ACACA: variants seen among roughly 807,000 people sequenced by gnomAD.
ACACA encodes acetyl-CoA carboxylase 1.
A neutral mutation model predicts 296.1 loss-of-function variants in ACACA; 103 were observed. The ratio of observed to expected loss-of-function variants is 0.35; its 90% CI spans 0.30 to 0.41. ACACA has a LOEUF of 0.41. ACACA is among the 10% of genes least tolerant of loss of function. ACACA has a pLI of 1.00. For synonymous variants in ACACA, 953 were observed against 1,038.6 expected, an observed-to-expected ratio of 0.92 and a Z score of 1.58; for missense variants, 1,554 against 2,989.7, an observed-to-expected ratio of 0.52 and a Z score of 11.20.
chr17:37,388,690 A>G (rs750389019), intron 1 of ACACA: 2 of 1,612,456 alleles, frequency 1.2e-6, no homozygotes, highest in South Asian at 2.2e-5. Context: ...GAACCTAGAG[A>G]AGAGACAGAA....
intron 3 of ACACA, among the ~76,000 whole-genome samples, chr17:37,290,888 C>A (rs1177547094): frequency 6.6e-6 from 1 of 151,964 alleles, no homozygotes; most frequent in Non-Finnish European, 1.5e-5. Context: ...CAAGGCCATC[C>A]TGGCCAACAA....
At chr17:37,337,423 A>G (rs952835063) in intron 2 of ACACA, among the ~76,000 whole-genome samples, 11 of 147,438 alleles carry the variant, frequency 7.5e-5, no homozygotes, top group African/African-American at 2.4e-4. Flanking sequence ...CTCAAAAAAA[A>G]AAAAAAAAAG....
intron 3 of ACACA, among the ~76,000 whole-genome samples, chr17:37,319,425 T>A (rs1018657201): frequency 2.6e-5 from 4 of 152,176 alleles, no homozygotes; most frequent in Non-Finnish European, 4.4e-5. Context: ...ATACAGATGG[T>A]AGGGAGTAAC....
chr17:37,230,403 T>A (rs1422231725), intron 25 of ACACA, among the ~76,000 whole-genome samples: 3 of 147,430 alleles, frequency 2.0e-5, no homozygotes, highest in African/African-American at 7.8e-5. Context: ...AATAAATAAA[T>A]AAATAAATAA....
At chr17:37,200,589 T>C (rs2078205083) in intron 33 of ACACA, 106 bp from the exon 34 acceptor site, 3 of 1,011,876 alleles carry the variant, frequency 3.0e-6, no homozygotes, top group African/African-American at 1.6e-5. Context: ...AACATCCTTT[T>C]TGGATATCCT....
chr17:37,369,816 C>T (rs2049736778), intron 1 of ACACA, among the ~76,000 whole-genome samples: 1 of 152,040 alleles, frequency 6.6e-6, no homozygotes, highest in South Asian at 2.1e-4. Flanking sequence ...AGCAATTCTC[C>T]TGCCTCAGCT....
At position 37,310,829 on chromosome 17, in the gene ACACA, A is replaced by G. The variant is rs183449383; in HGVS notation, c.338+19344T>C. Among the ~76,000 whole-genome samples, 5 of 151,468 alleles carry G rather than the reference A, an allele frequency of 3.3e-5. No homozygotes were observed. In the East Asian group the frequency reaches 7.7e-4, roughly 23 times the overall value. The stretch of plus-strand genomic sequence containing the variant: ...AAAAAAAAAAAGAAAGAAAATGTAT[A>G]TCAAGTAAAAAGATAAGAAGGACCA... On this transcript the variant is annotated intron_variant, in intron 3 of 55. Coordinates refer to ENST00000616317, the MANE Select transcript of ACACA (RefSeq NM_198834.3).
chr17:37,368,435 G>C (rs986711131), intron 1 of ACACA, among the ~76,000 whole-genome samples: 4 of 151,950 alleles, frequency 2.6e-5, no homozygotes, highest in Non-Finnish European at 5.9e-5. Context: ...ACAAAAATTA[G>C]CTGGGCATGG....
At chr17:37,116,376 C>T (rs1221731701) in intron 50 of ACACA, among the ~76,000 whole-genome samples, 1 of 152,098 alleles carries the variant, frequency 6.6e-6, no homozygotes, top group Non-Finnish European at 1.5e-5. Flanking sequence ...TAAAATAAAA[C>T]CAGAAAAAGA....
At position 37,259,431 on chromosome 17, in the gene ACACA, G is replaced by T. The variant is rs1365579645; in HGVS notation, c.1429C>A (p.Pro477Thr). The T allele has an allele frequency of 6.2e-7, 1 of 1,614,070 alleles. No individual in the cohort carries two copies. The highest frequency in any genetic ancestry group is 8.5e-7 in the Non-Finnish European group (1 of 1,180,048). The change falls in exon 12 of 56, where the codon CCT becomes ACT. Residue 477 changes from proline to threonine, a missense_variant. Physicochemically the swap from Pro to Thr is conservative, Grantham distance 38. This residue lies in a region of ACACA where 82 missense variants were observed against 185.2 expected (regional missense o/e 0.44). Transcript: ENST00000616317. ...DGSFYFLELN[P>T]RLQVEHPCTE... Reference sequence around the variant, plus strand: ...CAAGGGTGCTCTACCTGCAGCCGAGGATTCAATTCCAGAAAGTAGAAGCTG... The same window carrying T: ...CAAGGGTGCTCTACCTGCAGCCGAGTATTCAATTCCAGAAAGTAGAAGCTG...
At chr17:37,229,281 A>C (rs2079716709) in intron 25 of ACACA, among the ~76,000 whole-genome samples, 1 of 152,116 alleles carries the variant, frequency 6.6e-6, no homozygotes, top group Non-Finnish European at 1.5e-5. Flanking sequence ...ATCCTCTTGC[A>C]TAGTTACAGA....
chr17:37,100,481 A>G (rs1051070819), intron 52 of ACACA, among the ~76,000 whole-genome samples: 3 of 152,178 alleles, frequency 2.0e-5, no homozygotes, highest in Non-Finnish European at 2.9e-5. Context: ...AACTGAGGAA[A>G]CATGCTACAA....
intron 45 of ACACA, among the ~76,000 whole-genome samples, chr17:37,139,511 G>C (rs2075473727): frequency 6.6e-6 from 1 of 152,204 alleles, no homozygotes; most frequent in Non-Finnish European, 1.5e-5. Context: ...CTTGGGGTTT[G>C]AGTACCTAAG....
intron 1 of ACACA, among the ~76,000 whole-genome samples, chr17:37,386,422 C>G (rs1316787571): frequency 1.3e-5 from 2 of 151,974 alleles, no homozygotes; most frequent in Non-Finnish European, 2.9e-5. Context: ...TGAAAACCCG[C>G]CTCTACTAAA....
chr17:37,373,910 C>T (rs1391765091), intron 1 of ACACA, among the ~76,000 whole-genome samples: 1 of 152,148 alleles, frequency 6.6e-6, no homozygotes, highest in East Asian at 1.9e-4. Context: ...CTGCCCTAAC[C>T]ACCTCCTCTG....
chr17:37,405,280 C>G (rs914514069), intron 1 of ACACA, among the ~76,000 whole-genome samples: 1 of 152,204 alleles, frequency 6.6e-6, no homozygotes, highest in Non-Finnish European at 1.5e-5. Context: ...TGGGCATTAT[C>G]TATCATTTAG....
At chr17:37,210,751 CAAA>C (rs57591064) in intron 29 of ACACA, among the ~76,000 whole-genome samples, 1,837 of 72,370 alleles carry the variant, frequency 0.025, 17 homozygotes, top group South Asian at 0.063. Context: ...GCTCTATTAC[CAAA>C]AAAAAAAAAA....
At chr17:37,261,002 G>A (rs2081491204) in intron 11 of ACACA, among the ~76,000 whole-genome samples, 1 of 152,076 alleles carries the variant, frequency 6.6e-6, no homozygotes, top group African/African-American at 2.4e-5. Context: ...AATATGAGAT[G>A]CTAGCTTAGC....
At position 37,097,807 on chromosome 17, in the gene ACACA, G is replaced by C. The variant is rs750074991; in HGVS notation, c.6720+23C>G. ...TTGCCCACATGTGGGCCTCTGACAA[G>C]AAGTGGCAACCATTGTACTTACGCT... On this transcript the variant is annotated intron_variant, in intron 53 of 55. Transcript: ENST00000616317. This position sits in a 1 kb window ranked among gnomAD's most constrained non-coding sequence, Gnocchi z 4.8. 1.2e-5 allele frequency: 19 copies of C among 1,613,268 alleles called. No individual in the cohort carries two copies. Among genetic ancestry groups the C allele is most frequent in the Non-Finnish European group, 1.6e-5 (19 of 1,179,208 alleles).
Sources: gnomAD v4.1 joint callset for allele counts (sites outside exome capture counted in the v4.1 genomes callset) on GRCh38, gnomAD v4.1.1 for gene constraint, gnomAD v4.1.1 regional missense constraint, Gnocchi (gnomAD v3.1) non-coding constraint, MANE v1.5 for transcripts, NCBI Gene and HGNC (gene_info 2026-07-23, HGNC 2026-07-21) for gene names.